The following DHRS7B variants were observed in gnomAD, a reference collection of about 807,000 sequenced individuals.
DHRS7B encodes dehydrogenase/reductase 7B, also known as peroxisomal reductase activating PPAR-gamma.
A neutral mutation model predicts 26.4 loss-of-function variants in DHRS7B; 24 were observed. The observed-to-expected ratio is 0.91, with a 90% confidence interval of 0.66 to 1.28. The LOEUF (loss-of-function observed/expected upper bound fraction) is 1.28. Ranked by LOEUF, DHRS7B falls within the 50% of genes most tolerant of loss-of-function variation. The pLI is 0.00. For synonymous variants in DHRS7B, 142 were observed against 166.4 expected, an observed-to-expected ratio of 0.85 and a Z score of 1.13; for missense variants, 368 against 419.4, an observed-to-expected ratio of 0.88 and a Z score of 1.07.
intron 1 of DHRS7B, among the ~76,000 whole-genome samples, chr17:21,155,412 G>A (rs78513221): frequency 5.9e-4 from 90 of 152,246 alleles, no homozygotes; most frequent in Admixed American, 1.8e-3. Context: ...CATTATGACC[G>A]CAGATCAATC....
chr17:21,138,074 A>AT (rs1973391034), intron 1 of DHRS7B, among the ~76,000 whole-genome samples: 6 of 40,546 alleles, frequency 1.5e-4, no homozygotes, highest in Non-Finnish European at 2.8e-4. Flanking sequence ...TTTAAAAAAA[A>AT]AATATATATA....
intron 3 of DHRS7B, among the ~76,000 whole-genome samples, chr17:21,182,284 T>G (rs1330816520): frequency 6.6e-6 from 1 of 152,198 alleles, no homozygotes. Context: ...TTTTTGCTCT[T>G]GTTGCCCAGG....
chr17:21,177,999 A>G (rs1489798116), intron 2 of DHRS7B, among the ~76,000 whole-genome samples: 1 of 152,368 alleles, frequency 6.6e-6, no homozygotes, highest in African/African-American at 2.4e-5. Flanking sequence ...TCTGAGCATG[A>G]TACTTAACAC....
intron 1 of DHRS7B, among the ~76,000 whole-genome samples, chr17:21,147,652 G>A (rs955201506): frequency 6.6e-6 from 1 of 152,182 alleles, no homozygotes. Context: ...GTAAGACTGA[G>A]ATGAACAACC....
At chr17:21,170,683 G>A (rs1479076037) in intron 1 of DHRS7B, among the ~76,000 whole-genome samples, 3 of 152,156 alleles carry the variant, frequency 2.0e-5, no homozygotes, top group African/African-American at 4.8e-5. Flanking sequence ...TGACAGTTCC[G>A]TTGCAGTAGA....
chr17:21,137,954 G>A (rs934025615), intron 1 of DHRS7B, among the ~76,000 whole-genome samples: 7 of 146,180 alleles, frequency 4.8e-5, no homozygotes, highest in South Asian at 4.4e-4. Flanking sequence ...GGGTGGTCTC[G>A]ATCTCCCGAC....
chr17:21,183,903 C>A, intron 4 of DHRS7B, 93 bp downstream of exon 4: 1 of 1,117,496 alleles, frequency 8.9e-7, no homozygotes. Context: ...TCCCCATCTC[C>A]ATCCTCTCTG....
intron 1 of DHRS7B, among the ~76,000 whole-genome samples, chr17:21,138,097 T>C (rs376991277): frequency 0.5 from 43,499 of 86,394 alleles, 11,143 homozygotes; most frequent in Non-Finnish European, 0.53. Flanking sequence ...TATATATATA[T>C]ATATACACAC....
chr17:21,166,551 AAAG>A, intron 1 of DHRS7B: 1 of 843,794 alleles, frequency 1.2e-6, no homozygotes, highest in Non-Finnish European at 1.4e-6. Context: ...AAAAAAAAAA[AAAG>A]GCAGTTTGAC....
At chr17:21,129,704 C>CAAAAA (rs61077377) in intron 1 of DHRS7B, among the ~76,000 whole-genome samples, 102 of 74,596 alleles carry the variant, frequency 1.4e-3, no homozygotes, top group Non-Finnish European at 1.8e-3. Context: ...GACCCTGACT[C>CAAAAA]AAAAAAAAAA....
intron 1 of DHRS7B, among the ~76,000 whole-genome samples, chr17:21,132,742 A>G (rs1178306403): frequency 6.6e-6 from 1 of 152,158 alleles, no homozygotes; most frequent in Admixed American, 6.5e-5. Flanking sequence ...GTCACTAGCT[A>G]TGGAGGAACA....
intron 1 of DHRS7B, among the ~76,000 whole-genome samples, chr17:21,135,369 T>C (rs1021774107): frequency 6.6e-6 from 1 of 152,198 alleles, no homozygotes; most frequent in Non-Finnish European, 1.5e-5. Flanking sequence ...CTCTAATGTC[T>C]TAAAGGATTA....
rs1231176492 is a variant in DHRS7B at position 21,172,019 on chromosome 17, AAG to A, written c.25_26del (p.Leu10AlafsTer68). MVSPATR[K>X]SLPKVKAMDF... ...TGTGTTTGGTTTTGGTTCTTCCAGG[AAG>A]AGTCTGCCGAAGGTGAAGGCCATGG... On this transcript the variant is annotated frameshift_variant and splice_region_variant, in exon 2 of 7. Transcript: ENST00000395511. LOFTEE classifies it high-confidence loss of function. 2 of 1,614,070 alleles carry A rather than the reference AAG, an allele frequency of 1.2e-6. No individual in the cohort carries two copies.
chr17:21,169,028 C>T (rs1050483499), intron 1 of DHRS7B: 1 of 569,668 alleles, frequency 1.8e-6, no homozygotes, highest in African/African-American at 2.0e-5. Flanking sequence ...TTATTTTCAT[C>T]CTGCTCCTCC....
rs567680680 is a variant in DHRS7B, at chr17:21,148,434, CAGTG to C, written c.20+21446_20+21449del. The stretch of plus-strand genomic sequence containing the variant: ...GAATGGATCAAGCAGAGGAAAGAAT[CAGTG>C]AGCTGAAAGATGATTTGAAAATACA... On this transcript the variant is annotated intron_variant, in intron 1 of 6. Transcript: ENST00000395511. 6.8e-4 allele frequency among the ~76,000 whole-genome samples: 104 copies of C among 152,178 alleles called. 1 individual carries two copies. Among genetic ancestry groups the C allele is most frequent in the Non-Finnish European group, 1.3e-3 (91 of 68,020 alleles).
At chr17:21,138,087 T>TACACAC (rs1567616066) in intron 1 of DHRS7B, among the ~76,000 whole-genome samples, 10 of 62,936 alleles carry the variant, frequency 1.6e-4, no homozygotes, top group East Asian at 6.9e-4. Context: ...TATATATATA[T>TACACAC]ATATATATAT....
chr17:21,147,231 T>A (rs1434649865), intron 1 of DHRS7B, among the ~76,000 whole-genome samples: 1 of 152,202 alleles, frequency 6.6e-6, no homozygotes, highest in Non-Finnish European at 1.5e-5. Flanking sequence ...CTGCCACTGT[T>A]GTAGGCCAAA....
At chr17:21,152,608 T>C (rs574530826) in intron 1 of DHRS7B, among the ~76,000 whole-genome samples, 1 of 152,260 alleles carries the variant, frequency 6.6e-6, no homozygotes, top group South Asian at 2.1e-4. Context: ...AGACATCCCT[T>C]TGTGCTTCCA....
chr17:21,167,457 CGTGA>C (rs1974139724), intron 1 of DHRS7B, among the ~76,000 whole-genome samples: 1 of 152,172 alleles, frequency 6.6e-6, no homozygotes, highest in African/African-American at 2.4e-5. Context: ...CACGCCAGTT[CGTGA>C]GTCTCATCAG....
Sources: gnomAD v4.1 joint callset for allele counts (sites outside exome capture counted in the v4.1 genomes callset) on GRCh38, gnomAD v4.1.1 for gene constraint, MANE v1.5 for transcripts, NCBI Gene and HGNC (gene_info 2026-07-23, HGNC 2026-07-21) for gene names.